The following BOLL variants were observed in gnomAD, a reference collection of about 807,000 sequenced individuals.
The protein encoded by BOLL is protein boule-like.
BOLL carries 23 observed loss-of-function variants against 44.4 expected under a neutral mutation model. That is an observed-to-expected ratio of 0.52 (90% CI 0.37 to 0.73). The LOEUF is 0.73. BOLL is among the 30% of genes least tolerant of loss of function. BOLL has a pLI of 0.00. For synonymous variants in BOLL, 97 were observed against 110.8 expected (o/e 0.88, Z 0.78); for missense variants, 287 against 338.3 (o/e 0.85, Z 1.19).
chr2:197,742,314 G>GTATA (rs1687778739), intron 10 of BOLL, among the ~76,000 whole-genome samples: 2 of 152,264 alleles, frequency 1.3e-5, no homozygotes, highest in Admixed American at 1.3e-4. Context: ...CCATTACTGG[G>GTATA]TATATACCCA....
chr2:197,755,219 G>T (rs112524528), intron 9 of BOLL, among the ~76,000 whole-genome samples: 3 of 152,152 alleles, frequency 2.0e-5, no homozygotes, highest in Admixed American at 2.0e-4. Flanking sequence ...TCAGAATGGC[G>T]ATTATTAAAA....
upstream of BOLL, chr2:197,786,131 T>C (rs1004252034): frequency 1.1e-5 from 15 of 1,367,258 alleles, no homozygotes; most frequent in Admixed American, 5.4e-5. The surrounding 1 kb of genome is among the most constrained non-coding windows in gnomAD (Gnocchi z 5.9). Context: ...CGAGGGTGGC[T>C]GTGGCAGCTG....
At chr2:197,761,516 A>T in intron 7 of BOLL, among the ~76,000 whole-genome samples, 1 of 152,216 alleles carries the variant, frequency 6.6e-6, no homozygotes, top group Non-Finnish European at 1.5e-5. Context: ...GCTGCAAAAA[A>T]TCACCAAAAA....
At position 197,738,882 on chromosome 2, in the gene BOLL, G is replaced by C. The variant is rs1308053703; in HGVS notation, c.828+4179C>G. Among the ~76,000 whole-genome samples the C allele has an allele frequency of 2.0e-5, 3 of 152,068 alleles. No individual in the cohort carries two copies. The East Asian group carries it at 5.8e-4, about 29-fold the overall frequency. On this transcript the variant is annotated intron_variant, in intron 10 of 10. Coordinates refer to ENST00000392296, the MANE Select transcript of BOLL (RefSeq NM_033030.6). ...ATTTTAATATTAGTAATATGTTCTA[G>C]AAAAAGATTGTTTCATAATGTAGAA...
At chr2:197,772,021 A>G in intron 5 of BOLL, 39 bp from the exon 6 acceptor site, 1 of 1,473,048 alleles carries the variant, frequency 6.8e-7, no homozygotes. Flanking sequence ...GAAATGTTCA[A>G]TTTAACTGTT....
chr2:197,738,110 T>A (rs1395566587), intron 10 of BOLL, among the ~76,000 whole-genome samples: 3 of 152,198 alleles, frequency 2.0e-5, no homozygotes, highest in Admixed American at 6.5e-5. Context: ...TGGGATTTGA[T>A]ATTTATCTTA....
intron 2 of BOLL, among the ~76,000 whole-genome samples, chr2:197,779,764 G>C (rs1031542266): frequency 2.0e-5 from 3 of 151,936 alleles, no homozygotes; most frequent in African/African-American, 7.2e-5. Context: ...AATTGAAATA[G>C]TCTGATAATA....
Position 197,743,126 on chromosome 2 carries a change from G to C in BOLL, c.763C>G (p.His255Asp), listed in dbSNP as rs762920202. ...YSDHGVQATY[H>D]QVYAPSAITM... is the part of the protein sequence containing the mutation. Reference sequence around the variant, plus strand: ...ATGGCACTTGGAGCATAAACCTGGTGATATGTTGCTTGAACTCCATGATCA... The same window carrying C: ...ATGGCACTTGGAGCATAAACCTGGTCATATGTTGCTTGAACTCCATGATCA... Residue 255 changes from histidine (H) to aspartate (D), a missense_variant, in exon 10 of 11, where the codon CAC becomes GAC. His to Asp is a moderately conservative substitution (Grantham distance 81). Coordinates refer to ENST00000392296, the MANE Select transcript of BOLL (RefSeq NM_033030.6). 15 of 1,604,396 alleles carry C rather than the reference G, an allele frequency of 9.3e-6. No individual in the cohort carries two copies. The highest frequency in any genetic ancestry group is 1.3e-5 in the Non-Finnish European group (15 of 1,175,454).
chr2:197,772,955 C>T (rs1286086449), intron 5 of BOLL, among the ~76,000 whole-genome samples: 2 of 151,888 alleles, frequency 1.3e-5, no homozygotes, highest in Non-Finnish European at 2.9e-5. Context: ...TAAGAATTTG[C>T]ATTTTGACAG....
At chr2:197,762,394 T>C (rs985750172) in intron 7 of BOLL, among the ~76,000 whole-genome samples, 3 of 152,016 alleles carry the variant, frequency 2.0e-5, no homozygotes, top group Non-Finnish European at 4.4e-5. Flanking sequence ...AACTGCACCA[T>C]AGGCCAAACA....
intron 3 of BOLL, among the ~76,000 whole-genome samples, chr2:197,777,375 A>G (rs901795961): frequency 1.9e-4 from 29 of 151,998 alleles, no homozygotes; most frequent in African/African-American, 7.0e-4. Flanking sequence ...AGAAAAGCAC[A>G]AGAGATTCAT....
At chr2:197,756,787 G>T (rs1574837940) in intron 8 of BOLL, among the ~76,000 whole-genome samples, 1 of 152,066 alleles carries the variant, frequency 6.6e-6, no homozygotes, top group East Asian at 1.9e-4. Flanking sequence ...ACTTCTTAAT[G>T]ACTGAGAACC....
upstream of BOLL, chr2:197,786,070 G>A: frequency 6.4e-7 from 1 of 1,573,756 alleles, no homozygotes. The surrounding 1 kb of genome is among the most constrained non-coding windows in gnomAD (Gnocchi z 5.9). Flanking sequence ...CCACCTTCAC[G>A]CCAAGGCAGC....
At chr2:197,730,261 G>GAAAAAAGA (rs1293158034) in intron 10 of BOLL, among the ~76,000 whole-genome samples, 1 of 130,560 alleles carries the variant, frequency 7.7e-6, no homozygotes, top group African/African-American at 3.0e-5. Flanking sequence ...GAAGTTTAGA[G>GAAAAAAGA]AAAAAAGAAT....
intron 1 of BOLL, among the ~76,000 whole-genome samples, chr2:197,783,888 C>A (rs1689911158): frequency 6.6e-6 from 1 of 152,144 alleles, no homozygotes; most frequent in African/African-American, 2.4e-5. Context: ...TTTAAAAAAT[C>A]ATTCTTCATG....
chr2:197,785,477 G>C, upstream of BOLL: 1 of 770,072 alleles, frequency 1.3e-6, no homozygotes, highest in Non-Finnish European at 1.6e-6. The surrounding 1 kb of genome is among the most constrained non-coding windows in gnomAD (Gnocchi z 6.7). Context: ...GCCAGGGCTA[G>C]AGTGTCCGGG....
At chr2:197,768,572 G>T (rs1689098946) in intron 6 of BOLL, among the ~76,000 whole-genome samples, 1 of 151,064 alleles carries the variant, frequency 6.6e-6, no homozygotes, top group Non-Finnish European at 1.5e-5. Context: ...GTTTGGCAGA[G>T]GATTAATTTC....
chr2:197,774,035 G>C (rs552389057), intron 5 of BOLL: 1 of 462,720 alleles, frequency 2.2e-6, no homozygotes, highest in Non-Finnish European at 4.5e-6. Flanking sequence ...AAGAACTTTG[G>C]AGTCAAACAG....
At chr2:197,749,073 G>A (rs948239859) in intron 9 of BOLL, among the ~76,000 whole-genome samples, 2 of 152,216 alleles carry the variant, frequency 1.3e-5, no homozygotes, top group Admixed American at 1.3e-4. Context: ...CGCAGCTTCC[G>A]CTGGTGATAC....
Sources: allele counts gnomAD v4.1 joint callset (sites outside exome capture counted in the v4.1 genomes callset), GRCh38; gene constraint gnomAD v4.1.1; non-coding constraint Gnocchi (gnomAD v3.1); transcripts MANE v1.5; gene names NCBI Gene and HGNC (gene_info 2026-07-23, HGNC 2026-07-21).